Variants in FOS observed in about 807,000 individuals in gnomAD.
FOS encodes the protein Fos proto-oncogene, AP-1 transcription factor subunit.
A neutral mutation model predicts 27.2 loss-of-function variants in FOS; 9 were observed. The observed-to-expected ratio is 0.33, with a 90% CI of 0.20 to 0.58. The LOEUF (loss-of-function observed/expected upper bound fraction) is 0.58, where lower values mean the gene tolerates loss of function less well. Among genes scored for constraint, FOS ranks in the 20% least tolerant of loss-of-function variants. The pLI is 0.87. For synonymous variants in FOS, 213 were observed against 205.1 expected (o/e 1.04, Z -0.33); for missense variants, 405 against 483.5 (o/e 0.84, Z 1.52).
Position 75,279,547 on chromosome 14 carries a change from T to C in FOS, c.142-330T>C, listed in dbSNP as rs1319584113. The C allele has an allele frequency of 9.1e-6, 4 of 441,626 alleles. No homozygotes were observed. Among genetic ancestry groups the C allele is most frequent in the South Asian group, 2.8e-5 (1 of 35,312 alleles). 27.4% of individuals were successfully genotyped at this position (441,626 alleles called of 1,614,324 possible). ...CGGGCGGGTGTGTAAGGCAGTTTCA[T>C]TGATAAAAAGCGAGTTCATTCTGGA... On this transcript the variant is annotated intron_variant, in intron 1 of 3. Transcript: ENST00000303562. The surrounding 1 kb of genome is among the most constrained non-coding windows in gnomAD (Gnocchi z 5.4).
At position 75,280,143 on chromosome 14, in the gene FOS, C is replaced by T. The variant is rs1038998954; in HGVS notation, c.393+15C>T. 9 of 1,613,388 alleles carry T rather than the reference C, an allele frequency of 5.6e-6. No homozygotes were observed. The highest frequency in any genetic ancestry group is 7.6e-6 in the Non-Finnish European group (9 of 1,179,988). On this transcript the variant is annotated intron_variant, in intron 2 of 3. Coordinates refer to ENST00000303562, the MANE Select transcript of FOS (RefSeq NM_005252.4). ...AGGTGGAACAGGTGAGGAACTCTAGCGTACTCTTCCTGGGAATGTGGGGGC... is the reference window on the plus strand; with the variant it reads ...AGGTGGAACAGGTGAGGAACTCTAGTGTACTCTTCCTGGGAATGTGGGGGC...
chr14:75,281,082 G>A lies in FOS; in HGVS notation c.801G>A (p.Glu267=). 1 of 1,610,786 alleles carries A rather than the reference G, an allele frequency of 6.2e-7. No homozygotes were observed. The highest frequency in any genetic ancestry group is 1.6e-4 in the Middle Eastern group (1 of 6,062). The change falls in exon 4 of 4, where the codon GAG becomes GAA. Residue 267 remains glutamate (E), a synonymous_variant. Transcript: ENST00000303562. The surrounding 1 kb of genome is among the most constrained non-coding windows in gnomAD (Gnocchi z 4.7). ...TCAGCAGCATGGAGCTGAAGACCGA[G>A]CCCTTTGATGACTTCCTGTTCCCAG... ...KSISSMELKT[E]PFDDFLFPAS...
At chr14:75,280,517 G>C in intron 2 of FOS, 43 bp from the exon 3 acceptor site, 1 of 1,506,308 alleles carries the variant, frequency 6.6e-7, no homozygotes, top group Non-Finnish European at 9.2e-7. Context: ...GGTGATGGCA[G>C]ACACTTTTAC....
rs370915106 is a variant in FOS at position 75,280,791 on chromosome 14, C to G, written c.510C>G (p.Asp170Glu). 1.9e-6 allele frequency: 3 copies of G among 1,613,860 alleles called. No individual in the cohort carries two copies. Among genetic ancestry groups the G allele is most frequent in the African/African-American group, 1.3e-5 (1 of 74,870 alleles). Reference protein sequence around the residue: ...ELTDTLQAETDQLEDEKSALQ... With the variant: ...ELTDTLQAETEQLEDEKSALQ... ...TATCCCTCTGTATACAGGAGACAGA[C>G]CAACTAGAAGATGAGAAGTCTGCTT... The change falls in exon 4 of 4, where the codon GAC (aspartate) becomes GAG (glutamate). Residue 170 changes from aspartate (D) to glutamate (E), a missense_variant. Physicochemically the swap from Asp to Glu is conservative, Grantham distance 45. Transcript: ENST00000303562.
intron 2 of FOS, 142 bp downstream of exon 2, chr14:75,280,270 C>G (rs1309453038): frequency 9.2e-7 from 1 of 1,087,292 alleles, no homozygotes; most frequent in Admixed American, 2.0e-5. Flanking sequence ...GGCTCCAAGC[C>G]CATTCCATCC....
At position 75,279,265 on chromosome 14, in the gene FOS, G is replaced by C. The variant is rs1040117967; in HGVS notation, c.141+142G>C. 9.1e-7 allele frequency: 1 copy of C among 1,096,726 alleles called. No homozygotes were observed. Among genetic ancestry groups the C allele is most frequent in the Non-Finnish European group, 1.3e-6 (1 of 763,684 alleles). 67.9% of individuals were successfully genotyped at this position (1,096,726 alleles called of 1,614,324 possible). ...GCCGTGGCCGGAGCGGTGCCGGCTC[G>C]GGGGCTCGGGACTTGCTCTGAGCGC... On this transcript the variant is annotated intron_variant, in intron 1 of 3. Transcript: ENST00000303562. This position sits in a 1 kb window ranked among gnomAD's most constrained non-coding sequence, Gnocchi z 5.4.
In FOS at chr14:75,281,334, C is replaced by T. The variant is rs1312947083; in HGVS notation, c.1053C>T (p.Phe351=). ...FVFTYPEADS[F]PSCAAAHRKG... The stretch of plus-strand genomic sequence containing the variant: ...TCACCTACCCCGAGGCTGACTCCTT[C>T]CCCAGCTGTGCAGCTGCCCACCGCA... The change falls in exon 4 of 4, where the codon TTC becomes TTT. Residue 351 remains phenylalanine, a synonymous_variant. Transcript: ENST00000303562. The surrounding 1 kb of genome is among the most constrained non-coding windows in gnomAD (Gnocchi z 4.7). 2 of 1,610,028 alleles carry T rather than the reference C, an allele frequency of 1.2e-6. No homozygotes were observed. Among genetic ancestry groups the T allele is most frequent in the Non-Finnish European group, 1.7e-6 (2 of 1,179,992 alleles).
chr14:75,279,272 C>A lies in FOS; in HGVS notation c.141+149C>A. On this transcript the variant is annotated intron_variant, in intron 1 of 3. Transcript: ENST00000303562. The surrounding 1 kb of genome is among the most constrained non-coding windows in gnomAD (Gnocchi z 5.4). ...CCGGAGCGGTGCCGGCTCGGGGGCTCGGGACTTGCTCTGAGCGCACGCACG... is the reference window on the plus strand; with the variant it reads ...CCGGAGCGGTGCCGGCTCGGGGGCTAGGGACTTGCTCTGAGCGCACGCACG... 9.8e-7 allele frequency: 1 copy of A among 1,025,608 alleles called. No homozygotes were observed. The highest frequency in any genetic ancestry group is 1.4e-6 in the Non-Finnish European group (1 of 701,200). The allele number at this position is 1,025,608 out of a possible 1,614,324, so 63.5% of individuals were successfully genotyped here. A position where few individuals can be genotyped will look rare whatever the true frequency, so the allele number is the denominator to read the frequency against.
chr14:75,280,434 A>G (rs1270555499), intron 2 of FOS, 126 bp from the exon 3 acceptor site: 1 of 769,652 alleles, frequency 1.3e-6, no homozygotes, highest in African/African-American at 1.8e-5. Context: ...TGCAGGTCAG[A>G]AATGGTTTCA....
chr14:75,281,834 C>A lies in FOS; in HGVS notation c.*410C>A. The A allele has an allele frequency of 4.8e-6, 1 of 209,874 alleles. No homozygotes were observed. Among genetic ancestry groups the A allele is most frequent in the East Asian group, 1.1e-4 (1 of 9,042 alleles). The allele number at this position is 209,874 out of a possible 1,614,324, so 13.0% of individuals were successfully genotyped here. A position where few individuals can be genotyped will look rare whatever the true frequency, so the allele number is the denominator to read the frequency against. Reference sequence around the variant, plus strand: ...TTGTATCTAGTGCAGCTGATTTTAACAATAACTACTGTGTTCCTGGCAATA... The same window carrying A: ...TTGTATCTAGTGCAGCTGATTTTAAAAATAACTACTGTGTTCCTGGCAATA... On this transcript the variant is annotated 3_prime_UTR_variant, in exon 4 of 4. Coordinates refer to ENST00000303562, the MANE Select transcript of FOS (RefSeq NM_005252.4). This position sits in a 1 kb window ranked among gnomAD's most constrained non-coding sequence, Gnocchi z 4.7.
In FOS at chr14:75,279,911, A is replaced by G; in HGVS notation, c.176A>G (p.Asn59Ser). 1 of 1,613,132 alleles carries G rather than the reference A, an allele frequency of 6.2e-7. No individual in the cohort carries two copies. Among genetic ancestry groups the G allele is most frequent in the South Asian group, 1.1e-5 (1 of 91,010 alleles). ...ACGGACCTGGCCGTCTCCAGTGCCA[A>G]CTTCATTCCCACGGTCACTGCCATC... ...FCTDLAVSSA[N>S]FIPTVTAIST... is the part of the protein sequence containing the mutation. The change falls in exon 2 of 4, where the codon AAC (asparagine) becomes AGC (serine). Residue 59 changes from asparagine to serine, a missense_variant. By Grantham distance (46) the Asn-to-Ser change is conservative. Transcript: ENST00000303562. The surrounding 1 kb of genome is among the most constrained non-coding windows in gnomAD (Gnocchi z 5.4).
chr14:75,281,468 G>C lies in FOS; in HGVS notation c.*44G>C, dbSNP rs774910384. 4.4e-6 allele frequency: 7 copies of C among 1,587,966 alleles called. No individual in the cohort carries two copies. Among genetic ancestry groups the C allele is most frequent in the South Asian group, 1.1e-5 (1 of 88,740 alleles). ...GCAGCCGGCACCCACAAGTGCCACTGCCCGAGCTGGTGCATTACAGAGAGG... is the reference window on the plus strand; with the variant it reads ...GCAGCCGGCACCCACAAGTGCCACTCCCCGAGCTGGTGCATTACAGAGAGG... On this transcript the variant is annotated 3_prime_UTR_variant, in exon 4 of 4. Coordinates refer to ENST00000303562, the MANE Select transcript of FOS (RefSeq NM_005252.4). The surrounding 1 kb of genome is among the most constrained non-coding windows in gnomAD (Gnocchi z 4.7).
At chr14:75,280,215 G>A (rs749256528) in intron 2 of FOS, 87 bp downstream of exon 2, 2 of 1,571,868 alleles carry the variant, frequency 1.3e-6, no homozygotes, top group South Asian at 1.1e-5. Context: ...TACAGAGGAT[G>A]AAGCCACTGA....
chr14:75,279,967 C>A lies in FOS; in HGVS notation c.232C>A (p.Gln78Lys). The A allele has an allele frequency of 6.2e-7, 1 of 1,614,104 alleles. No homozygotes were observed. Among genetic ancestry groups the A allele is most frequent in the Non-Finnish European group, 8.5e-7 (1 of 1,180,020 alleles). The change falls in exon 2 of 4, where the codon CAG becomes AAG. Residue 78 changes from glutamine to lysine, a missense_variant. By Grantham distance (53) the Gln-to-Lys change is moderately conservative. Coordinates refer to ENST00000303562, the MANE Select transcript of FOS (RefSeq NM_005252.4). This position sits in a 1 kb window ranked among gnomAD's most constrained non-coding sequence, Gnocchi z 5.4. ...STSPDLQWLV[Q>K]PALVSSVAPS... is the part of the protein sequence containing the mutation. Reference sequence around the variant, plus strand: ...CAGTCCGGACCTGCAGTGGCTGGTGCAGCCCGCCCTCGTCTCCTCCGTGGC... The same window carrying A: ...CAGTCCGGACCTGCAGTGGCTGGTGAAGCCCGCCCTCGTCTCCTCCGTGGC...
Position 75,279,923 on chromosome 14 carries a change from C to A in FOS, c.188C>A (p.Thr63Lys). The A allele has an allele frequency of 6.2e-7, 1 of 1,613,574 alleles. No individual in the cohort carries two copies. Among genetic ancestry groups the A allele is most frequent in the Non-Finnish European group, 8.5e-7 (1 of 1,179,644 alleles). The change falls in exon 2 of 4, where the codon ACG (threonine) becomes AAG (lysine). Residue 63 changes from threonine (T) to lysine (K), a missense_variant. Physicochemically the swap from Thr to Lys is moderately conservative, Grantham distance 78. Coordinates refer to ENST00000303562, the MANE Select transcript of FOS (RefSeq NM_005252.4). The surrounding 1 kb of genome is among the most constrained non-coding windows in gnomAD (Gnocchi z 5.4). ...LAVSSANFIP[T>K]VTAISTSPDL... ...GTCTCCAGTGCCAACTTCATTCCCA[C>A]GGTCACTGCCATCTCGACCAGTCCG...
Position 75,279,879 on chromosome 14 carries a change from C to G in FOS, c.144C>G (p.Asp48Glu), listed in dbSNP as rs1169737592. The change falls in exon 2 of 4, where the codon GAC becomes GAG. Residue 48 changes from aspartate to glutamate, a missense_variant and splice_region_variant. By Grantham distance (45) the Asp-to-Glu change is conservative (BLOSUM62 2). Coordinates refer to ENST00000303562, the MANE Select transcript of FOS (RefSeq NM_005252.4). The surrounding 1 kb of genome is among the most constrained non-coding windows in gnomAD (Gnocchi z 5.4). ...SSMGSPVNAQ[D>E]FCTDLAVSSA... ...TTTCCCCTTCTGTTTTGTTCTAGGA[C>G]TTCTGCACGGACCTGGCCGTCTCCA... is the stretch of plus-strand genomic sequence containing the variant. 2 of 1,601,760 alleles carry G rather than the reference C, an allele frequency of 1.2e-6. No homozygotes were observed. The highest frequency in any genetic ancestry group is 1.1e-5 in the South Asian group (1 of 89,878).
chr14:75,280,190 G>A, intron 2 of FOS, 62 bp downstream of exon 2: 1 of 1,608,374 alleles, frequency 6.2e-7, no homozygotes, highest in Non-Finnish European at 8.5e-7. Flanking sequence ...CAGCCCCGGA[G>A]ATGCAGGAGC....
chr14:75,280,162 T>TG, intron 2 of FOS, 34 bp downstream of exon 2: 1 of 1,613,060 alleles, frequency 6.2e-7, no homozygotes, highest in South Asian at 1.1e-5. Context: ...CCTGGGAATG[T>TG]GGGGGCTGGG....
Position 75,281,424 on chromosome 14 carries a change from A to T in FOS, c.1143A>T (p.Ter381CysextTer43). 6.2e-7 allele frequency: 1 copy of T among 1,609,376 alleles called. No homozygotes were observed. ...SLSSPTLLAL[*>C] ...GCTCACCCACGCTGCTGGCCCTGTG[A>T]GGGGGCAGGGAAGGGGAGGCAGCCG... is the stretch of plus-strand genomic sequence containing the variant. The change falls in exon 4 of 4, where the codon TGA becomes TGT. Residue 381 changes from the stop codon to cysteine, a stop_lost. Transcript: ENST00000303562. This position sits in a 1 kb window ranked among gnomAD's most constrained non-coding sequence, Gnocchi z 4.7.
Sources: gnomAD v4.1 joint callset for allele counts on GRCh38, gnomAD v4.1.1 for gene constraint, Gnocchi (gnomAD v3.1) non-coding constraint, MANE v1.5 for transcripts, NCBI Gene and HGNC (gene_info 2026-07-23, HGNC 2026-07-21) for gene names.